HDAC9: variants seen among roughly 807,000 people sequenced by gnomAD.
HDAC9 encodes the protein histone deacetylase 9.
Under a neutral mutation model 139.4 loss-of-function variants are expected in HDAC9, and 41 were observed. The observed-to-expected ratio is 0.29, with a 90% CI of 0.23 to 0.38. HDAC9 has a LOEUF of 0.38. HDAC9 is among the 10% of genes least tolerant of loss of function. The pLI is 1.00. For missense variants in HDAC9, 1,147 were observed against 1,297.0 expected, an observed-to-expected ratio of 0.88 and a Z score of 1.78; for synonymous variants, 517 against 476.2, an observed-to-expected ratio of 1.09 and a Z score of -1.12.
At chr7:18,336,930 T>C (rs1230539032) in intron 1 of HDAC9, among the ~76,000 whole-genome samples, 1 of 151,660 alleles carries the variant, frequency 6.6e-6, no homozygotes, top group Non-Finnish European at 1.5e-5. Flanking sequence ...GGATATATTT[T>C]ATAATTACCA....
At chr7:18,924,983 G>A (rs912863700) in intron 22 of HDAC9, among the ~76,000 whole-genome samples, 1 of 152,088 alleles carries the variant, frequency 6.6e-6, no homozygotes, top group African/African-American at 2.4e-5. Context: ...TTAGATGCAA[G>A]GGTTAGTTTG....
At chr7:18,922,903 G>C (rs1803885951) in intron 22 of HDAC9, among the ~76,000 whole-genome samples, 1 of 152,090 alleles carries the variant, frequency 6.6e-6, no homozygotes, top group African/African-American at 2.4e-5. Flanking sequence ...CAAATGTCTA[G>C]AGAGGGTTTA....
intron 1 of HDAC9, among the ~76,000 whole-genome samples, chr7:18,307,923 G>T (rs1284512207): frequency 6.6e-6 from 1 of 152,158 alleles, no homozygotes; most frequent in Non-Finnish European, 1.5e-5. Context: ...CCAAAGGTCA[G>T]GGTGTGGAAT....
chr7:18,685,027 T>G (rs1356725197), intron 12 of HDAC9, among the ~76,000 whole-genome samples: 1 of 152,020 alleles, frequency 6.6e-6, no homozygotes, highest in African/African-American at 2.4e-5. Context: ...TCCTCCCACT[T>G]TTTTGTTGTT....
At chr7:18,431,377 A>C (rs567308552) in intron 1 of HDAC9, among the ~76,000 whole-genome samples, 2 of 152,316 alleles carry the variant, frequency 1.3e-5, no homozygotes, top group African/African-American at 4.8e-5. Context: ...TGATGAAGTC[A>C]TGAGAACTAG....
chr7:18,731,231 G>A (rs1786014396), intron 13 of HDAC9, among the ~76,000 whole-genome samples: 1 of 152,014 alleles, frequency 6.6e-6, no homozygotes, highest in African/African-American at 2.4e-5. Flanking sequence ...GGAGGGGAGA[G>A]GCTATTTGTA....
chr7:18,735,670 A>G (rs896242397), intron 13 of HDAC9, among the ~76,000 whole-genome samples: 5 of 152,200 alleles, frequency 3.3e-5, no homozygotes, highest in Admixed American at 1.3e-4. Context: ...AGGTAGCATC[A>G]TGCCTCCAGG....
At chr7:18,935,689 G>T (rs1781584082) in intron 22 of HDAC9, 120 bp from the exon 23 acceptor site, 6 of 814,384 alleles carry the variant, frequency 7.4e-6, no homozygotes, top group African/African-American at 1.7e-5. Flanking sequence ...AGTATTGGAT[G>T]AGTTAGCACA....
At chr7:18,934,560 TA>T (rs1781489702) in intron 22 of HDAC9, among the ~76,000 whole-genome samples, 2 of 152,188 alleles carry the variant, frequency 1.3e-5, no homozygotes, top group African/African-American at 4.8e-5. Context: ...ATAATTAGAT[TA>T]AATTACATTT....
intron 21 of HDAC9, chr7:18,851,383 C>G (rs564925448): frequency 6.6e-6 from 1 of 152,332 alleles, no homozygotes; most frequent in African/African-American, 2.4e-5. Flanking sequence ...GGCAGCTCCT[C>G]CTTTGCTCTC....
At chr7:18,499,257 T>A (rs888721536) in intron 2 of HDAC9, among the ~76,000 whole-genome samples, 2 of 152,142 alleles carry the variant, frequency 1.3e-5, no homozygotes, top group African/African-American at 4.8e-5. Flanking sequence ...TCCCATTTGT[T>A]GTTCTAGTTA....
intron 21 of HDAC9, among the ~76,000 whole-genome samples, chr7:18,866,089 C>T (rs957704077): frequency 2.7e-5 from 4 of 148,026 alleles, no homozygotes; most frequent in African/African-American, 5.0e-5. Context: ...CAGTGGCCTA[C>T]GAGATGCTAC....
At chr7:18,522,567 G>GAAA (rs879624035) in intron 2 of HDAC9, among the ~76,000 whole-genome samples, 1 of 99,524 alleles carries the variant, frequency 1.0e-5, no homozygotes, top group Non-Finnish European at 2.1e-5. Flanking sequence ...TGTTAATACT[G>GAAA]AAAAAAAAAA....
intron 12 of HDAC9, chr7:18,668,215 T>G (rs889691707): frequency 1.1e-6 from 1 of 902,396 alleles, no homozygotes; most frequent in African/African-American, 1.8e-5. Flanking sequence ...TTAAAAGTTT[T>G]CCACATAATG....
chr7:18,586,483 A>G (rs2128805849), intron 3 of HDAC9, among the ~76,000 whole-genome samples: 1 of 152,208 alleles, frequency 6.6e-6, no homozygotes, highest in East Asian at 1.9e-4. Flanking sequence ...ATTGTTTTGT[A>G]TTATAGGAAC....
At chr7:18,620,459 G>T (rs1253257946) in intron 6 of HDAC9, among the ~76,000 whole-genome samples, 1 of 150,086 alleles carries the variant, frequency 6.7e-6, no homozygotes, top group African/African-American at 2.5e-5. Context: ...TAAAAAAACA[G>T]TAATGAGTAG....
intron 1 of HDAC9, among the ~76,000 whole-genome samples, chr7:18,162,007 T>C (rs960610923): frequency 6.6e-6 from 1 of 152,192 alleles, no homozygotes; most frequent in African/African-American, 2.4e-5. Flanking sequence ...TACCTATTAT[T>C]TTATTTCTCT....
chr7:18,150,256 A>C (rs929203396), intron 1 of HDAC9, among the ~76,000 whole-genome samples: 5 of 152,070 alleles, frequency 3.3e-5, no homozygotes, highest in African/African-American at 1.2e-4. Flanking sequence ...ATGTAGCAAC[A>C]AAACAGTCTG....
At chr7:18,426,670 A>G (rs1053785565) in intron 1 of HDAC9, among the ~76,000 whole-genome samples, 2 of 152,134 alleles carry the variant, frequency 1.3e-5, no homozygotes, top group Admixed American at 6.5e-5. Context: ...AATTGCTTTT[A>G]TTTACCACTC....
Sources: gnomAD v4.1 joint callset for allele counts (sites outside exome capture counted in the v4.1 genomes callset) on GRCh38, gnomAD v4.1.1 for gene constraint, MANE v1.5 for transcripts, NCBI Gene and HGNC (gene_info 2026-07-23, HGNC 2026-07-21) for gene names.